AKAP19: variants seen among roughly 807,000 people sequenced by gnomAD.
The protein encoded by AKAP19 is A-kinase anchoring protein 19, also known as small A-kinase anchoring protein.
At chr2:190,045,893 C>T in the AKAP19 span, among the ~76,000 whole-genome samples, 2 of 152,140 alleles carry the variant, frequency 1.3e-5, no homozygotes, top group Non-Finnish European at 2.9e-5. Context: ...AGCTGCTCTG[C>T]CAAGACTCCA....
At chr2:190,070,894 T>A in the AKAP19 span, among the ~76,000 whole-genome samples, 1 of 152,194 alleles carries the variant, frequency 6.6e-6, no homozygotes, top group Admixed American at 6.5e-5. Flanking sequence ...ACTTAGATTT[T>A]CATCAAATAC....
the AKAP19 span, among the ~76,000 whole-genome samples, chr2:189,922,497 C>G: frequency 6.6e-6 from 1 of 152,196 alleles, no homozygotes; most frequent in Non-Finnish European, 1.5e-5. Flanking sequence ...CTGGTGAATT[C>G]TGTATTTGCA....
At chr2:189,917,438 T>TC in the AKAP19 span, 4 of 765,820 alleles carry the variant, frequency 5.2e-6, no homozygotes, top group South Asian at 6.1e-5. Context: ...CTGTTTTTTT[T>TC]CTAGCTCGAT....
At chr2:190,010,196 A>G in the AKAP19 span, among the ~76,000 whole-genome samples, 1 of 152,252 alleles carries the variant, frequency 6.6e-6, no homozygotes, top group African/African-American at 2.4e-5. Flanking sequence ...GATAGGATCT[A>G]CTACACAAGT....
chr2:189,967,987 T>A, the AKAP19 span, among the ~76,000 whole-genome samples: 1 of 151,854 alleles, frequency 6.6e-6, no homozygotes, highest in Admixed American at 6.6e-5. Context: ...GGAAAAAAAA[T>A]TTTGATTAAC....
the AKAP19 span, among the ~76,000 whole-genome samples, chr2:190,193,231 T>A: frequency 2.0e-5 from 3 of 152,028 alleles, no homozygotes; most frequent in East Asian, 1.9e-4. Flanking sequence ...TGATTTTTTT[T>A]ATGTTAATAT....
chr2:189,997,433 A>C, the AKAP19 span, among the ~76,000 whole-genome samples: 1 of 152,148 alleles, frequency 6.6e-6, no homozygotes, highest in Non-Finnish European at 1.5e-5. Context: ...GTCTGAGTTC[A>C]GACTCTCCTG....
At chr2:190,001,290 T>A in the AKAP19 span, among the ~76,000 whole-genome samples, 7 of 152,332 alleles carry the variant, frequency 4.6e-5, no homozygotes, top group African/African-American at 1.4e-4. Flanking sequence ...AGTGGCTGCT[T>A]TGAAATCGTT....
chr2:190,139,310 G>T, the AKAP19 span, among the ~76,000 whole-genome samples: 2 of 152,126 alleles, frequency 1.3e-5, no homozygotes, highest in Non-Finnish European at 2.9e-5. Context: ...ACAGAAATAA[G>T]GCAGCTTGGC....
the AKAP19 span, chr2:190,062,676 CA>C: frequency 1.4e-6 from 2 of 1,424,716 alleles, no homozygotes; most frequent in Non-Finnish European, 1.9e-6. Context: ...TAATGCCAAG[CA>C]AAATTTTAAT....
the AKAP19 span, among the ~76,000 whole-genome samples, chr2:189,902,826 G>A: frequency 1.3e-5 from 2 of 151,498 alleles, no homozygotes; most frequent in Admixed American, 6.6e-5. Context: ...TAGAAATAAG[G>A]AAGGTTATCG....
chr2:189,996,432 C>A, the AKAP19 span, among the ~76,000 whole-genome samples: 2 of 152,118 alleles, frequency 1.3e-5, no homozygotes, highest in East Asian at 3.9e-4. Flanking sequence ...CTTTCATTTC[C>A]AGAAGTTGTG....
chr2:190,155,139 C>T, the AKAP19 span, among the ~76,000 whole-genome samples: 5 of 152,244 alleles, frequency 3.3e-5, no homozygotes, highest in African/African-American at 1.2e-4. Flanking sequence ...TTCTCTCCCC[C>T]CTTCCCCTCT....
At chr2:190,077,774 A>C in the AKAP19 span, among the ~76,000 whole-genome samples, 4 of 152,188 alleles carry the variant, frequency 2.6e-5, no homozygotes, top group African/African-American at 4.8e-5. Context: ...ACAAGGAGTT[A>C]AGTTACTTGT....
chr2:190,183,258 C>T, the AKAP19 span, among the ~76,000 whole-genome samples: 1 of 152,084 alleles, frequency 6.6e-6, no homozygotes, highest in Non-Finnish European at 1.5e-5. Context: ...GTGCCAAGTA[C>T]GATAATGGCT....
At chr2:190,148,495 T>C in the AKAP19 span, among the ~76,000 whole-genome samples, 70 of 152,314 alleles carry the variant, frequency 4.6e-4, no homozygotes, top group Admixed American at 4.6e-3. Context: ...TTCCTGGTTT[T>C]GGTATTAGGG....
At chr2:190,105,277 A>C in the AKAP19 span, among the ~76,000 whole-genome samples, 2 of 152,172 alleles carry the variant, frequency 1.3e-5, no homozygotes, top group African/African-American at 2.4e-5. Flanking sequence ...TGATATATAT[A>C]TCTCAAATAA....
the AKAP19 span, among the ~76,000 whole-genome samples, chr2:189,901,729 G>A: frequency 6.6e-6 from 1 of 152,270 alleles, no homozygotes; most frequent in Non-Finnish European, 1.5e-5. Context: ...AAAAATGTTA[G>A]CCAGTTGTCC....
chr2:190,064,794 T>C, the AKAP19 span, among the ~76,000 whole-genome samples: 1 of 152,120 alleles, frequency 6.6e-6, no homozygotes, highest in African/African-American at 2.4e-5. Context: ...CAAGTAAAAT[T>C]TTCTAAGGCA....
Sources: allele counts gnomAD v4.1 joint callset (sites outside exome capture counted in the v4.1 genomes callset), GRCh38; gene constraint gnomAD v4.1.1; transcripts MANE v1.5; gene names NCBI Gene and HGNC (gene_info 2026-07-23, HGNC 2026-07-21).